The following GABBR2 variants were observed in gnomAD, a reference collection of about 807,000 sequenced individuals.
GABBR2 encodes the protein G-protein coupled receptor 51.
Under a neutral mutation model 105.6 loss-of-function variants are expected in GABBR2, and 23 were observed. That is an observed-to-expected ratio of 0.22 (90% confidence interval 0.16 to 0.31). The LOEUF (loss-of-function observed/expected upper bound fraction) is 0.31. Ranked by LOEUF, GABBR2 falls within the 10% of genes least tolerant of loss-of-function variation. The probability of loss-of-function intolerance (pLI) is 1.00; values close to 1 mark genes in which losing one functional copy is unlikely to be tolerated. For missense variants in GABBR2, 734 were observed against 1,245.5 expected (o/e 0.59, Z 6.18); for synonymous variants, 478 against 499.7 (o/e 0.96, Z 0.58).
At chr9:98,657,881 C>T (rs1257440077) in intron 1 of GABBR2, among the ~76,000 whole-genome samples, 1 of 152,230 alleles carries the variant, frequency 6.6e-6, no homozygotes, top group Non-Finnish European at 1.5e-5. Context: ...AAGATACCTG[C>T]TTCTCCTTTG....
intron 7 of GABBR2, among the ~76,000 whole-genome samples, chr9:98,411,906 T>C (rs10818896): frequency 0.19 from 28,595 of 152,124 alleles, 4,383 homozygotes; most frequent in African/African-American, 0.43. Context: ...TTCAGAATCC[T>C]CAGAAAAGTT....
chr9:98,423,766 T>C (rs1403119386), intron 7 of GABBR2, among the ~76,000 whole-genome samples: 1 of 152,224 alleles, frequency 6.6e-6, no homozygotes, highest in Non-Finnish European at 1.5e-5. Flanking sequence ...TTAATCCATC[T>C]TGAATTAATT....
At chr9:98,366,198 A>T (rs1479754452) in intron 12 of GABBR2, among the ~76,000 whole-genome samples, 1 of 152,190 alleles carries the variant, frequency 6.6e-6, no homozygotes. Context: ...CCTGGCTTAC[A>T]ATAACTGTTC....
intron 13 of GABBR2, among the ~76,000 whole-genome samples, chr9:98,356,652 C>T (rs983150701): frequency 2.6e-5 from 4 of 152,196 alleles, no homozygotes; most frequent in Admixed American, 1.3e-4. Context: ...ATAACTTGCA[C>T]TCCTGGGTAT....
intron 1 of GABBR2, among the ~76,000 whole-genome samples, chr9:98,582,213 T>C (rs1254401354): frequency 6.6e-6 from 1 of 152,178 alleles, no homozygotes; most frequent in East Asian, 1.9e-4. Context: ...GTCACATAAG[T>C]CCTTAAAAGC....
chr9:98,657,099 C>T (rs866114654), intron 1 of GABBR2, among the ~76,000 whole-genome samples: 1 of 152,222 alleles, frequency 6.6e-6, no homozygotes. Context: ...AACTGGGCCA[C>T]GTTTACCTGT....
intron 2 of GABBR2, among the ~76,000 whole-genome samples, chr9:98,546,161 C>CAAGT (rs1356535678): frequency 2.0e-5 from 3 of 152,228 alleles, no homozygotes; most frequent in African/African-American, 7.2e-5. Flanking sequence ...AACTTCTGTA[C>CAAGT]AAGTTCCATG....
chr9:98,433,251 T>G (rs1335960028), intron 7 of GABBR2, among the ~76,000 whole-genome samples: 2 of 152,226 alleles, frequency 1.3e-5, no homozygotes, highest in Non-Finnish European at 2.9e-5. Flanking sequence ...GATTAAACTG[T>G]CACTACGTAT....
intron 6 of GABBR2, among the ~76,000 whole-genome samples, chr9:98,463,832 C>T (rs904447694): frequency 1.7e-4 from 26 of 152,282 alleles, no homozygotes; most frequent in Admixed American, 7.8e-4. Context: ...GACGGGGTTT[C>T]GCTGTGTTGA....
chr9:98,549,411 G>T (rs1164908095), intron 2 of GABBR2, among the ~76,000 whole-genome samples: 1 of 152,166 alleles, frequency 6.6e-6, no homozygotes, highest in Non-Finnish European at 1.5e-5. Context: ...TAAAGTTCAA[G>T]TCAGTTTAGT....
At chr9:98,444,877 G>GCA (rs1200754273) in intron 7 of GABBR2, among the ~76,000 whole-genome samples, 14 of 96,632 alleles carry the variant, frequency 1.4e-4, no homozygotes, top group Middle Eastern at 6.7e-3. Context: ...ATGCGCGCGC[G>GCA]CGCACACACA....
intron 5 of GABBR2, among the ~76,000 whole-genome samples, chr9:98,478,106 C>G (rs954680273): frequency 1.3e-5 from 2 of 152,240 alleles, no homozygotes; most frequent in African/African-American, 4.8e-5. Context: ...ACATTTGCCA[C>G]AGGGCTATAA....
rs564055730 is a variant in GABBR2 at position 98,410,120 on chromosome 9, A to ATTTTTTTTT, written c.1237-3988_1237-3980dup. Among the ~76,000 whole-genome samples the ATTTTTTTTT allele has an allele frequency of 1.2e-4, 18 of 147,342 alleles. 1 individual carries two copies. Among genetic ancestry groups the ATTTTTTTTT allele is most frequent in the African/African-American group, 4.3e-4 (17 of 39,570 alleles). On this transcript the variant is annotated intron_variant, in intron 7 of 18. Transcript: ENST00000259455. ...TCCTAACACCCCAGCTTGAGCTGGAATTTTTTTTTTTGGTTTCCCTCCCAC... is the reference window on the plus strand; with the variant it reads ...TCCTAACACCCCAGCTTGAGCTGGAATTTTTTTTTTTTTTTTTTTTGGTTTCCCTCCCAC...
At position 98,319,166 on chromosome 9, in the gene GABBR2, T is replaced by A. The variant is rs536346037; in HGVS notation, c.1894-7961A>T. Among the ~76,000 whole-genome samples the A allele has an allele frequency of 1.4e-4, 21 of 152,272 alleles. No homozygotes were observed. The South Asian group carries it at 4.1e-3, about 30-fold the overall frequency. Reference sequence around the variant, plus strand: ...CCAGCCTCTCTGAGCCATAACTTCCTCATCTACAACCTCCCAGGGCTGGCA... The same window carrying A: ...CCAGCCTCTCTGAGCCATAACTTCCACATCTACAACCTCCCAGGGCTGGCA... On this transcript the variant is annotated intron_variant, in intron 13 of 18. Transcript: ENST00000259455.
At chr9:98,424,468 G>C (rs1489448174) in intron 7 of GABBR2, among the ~76,000 whole-genome samples, 4 of 152,164 alleles carry the variant, frequency 2.6e-5, no homozygotes, top group Non-Finnish European at 5.9e-5. Flanking sequence ...CATAGTGTTG[G>C]AAGTGCTGGC....
intron 3 of GABBR2, among the ~76,000 whole-genome samples, chr9:98,528,557 A>G (rs1423651237): frequency 6.6e-6 from 1 of 152,198 alleles, no homozygotes; most frequent in Non-Finnish European, 1.5e-5. Context: ...ATATCTTAAC[A>G]AATATGACAA....
intron 1 of GABBR2, among the ~76,000 whole-genome samples, chr9:98,645,373 G>T (rs923577272): frequency 1.3e-5 from 2 of 152,168 alleles, no homozygotes; most frequent in Non-Finnish European, 2.9e-5. Flanking sequence ...CAAGCTGGTG[G>T]CATCTCTGGA....
intron 8 of GABBR2, among the ~76,000 whole-genome samples, chr9:98,403,940 G>A (rs996128027): frequency 1.3e-5 from 2 of 152,070 alleles, no homozygotes; most frequent in African/African-American, 4.8e-5. Context: ...GTGAGGAAGT[G>A]ACTGGATCTC....
intron 16 of GABBR2, among the ~76,000 whole-genome samples, chr9:98,301,912 G>A (rs1370846545): frequency 1.3e-5 from 2 of 152,194 alleles, no homozygotes; most frequent in African/African-American, 2.4e-5. Flanking sequence ...ACTGTATGGT[G>A]GCTCTCTGTG....
Sources: allele counts gnomAD v4.1 joint callset (sites outside exome capture counted in the v4.1 genomes callset), GRCh38; gene constraint gnomAD v4.1.1; transcripts MANE v1.5; gene names NCBI Gene and HGNC (gene_info 2026-07-23, HGNC 2026-07-21).